Variants in AGBL1 observed in about 807,000 individuals in gnomAD.
The protein encoded by AGBL1 is cytosolic carboxypeptidase 4.
A neutral mutation model predicts 118.9 loss-of-function variants in AGBL1; 130 were observed. That is an observed-to-expected ratio of 1.09 (90% CI 0.95 to 1.26). The LOEUF is 1.26. AGBL1 is among the 50% of genes most tolerant of loss of function. AGBL1 has a pLI of 0.00. For missense variants in AGBL1, 1,584 were observed against 1,298.1 expected (o/e 1.22, Z -3.38); for synonymous variants, 555 against 478.9 (o/e 1.16, Z -2.08).
intron 21 of AGBL1, among the ~76,000 whole-genome samples, chr15:86,634,523 A>C (rs1402509356): frequency 1.3e-5 from 2 of 152,180 alleles, no homozygotes; most frequent in Non-Finnish European, 2.9e-5. Flanking sequence ...TATAGAGAGA[A>C]AGTGGATTAC....
rs115604167 is a variant in AGBL1, at chr15:86,715,411, G to A, written c.3158+40975G>A. Among the ~76,000 whole-genome samples the A allele has an allele frequency of 3.3e-3, 496 of 152,250 alleles. 1 individual carries two copies. The highest frequency in any genetic ancestry group is 0.01 in the South Asian group (50 of 4,824). On this transcript the variant is annotated intron_variant, in intron 22 of 22. Transcript: ENST00000614907. The stretch of plus-strand genomic sequence containing the variant: ...CAATCTATGGTCTTCTCGTAGAAGC[G>A]TTTATACCTGAGTATTTAATACCAA...
intron 18 of AGBL1, among the ~76,000 whole-genome samples, chr15:86,504,328 A>T (rs1166643653): frequency 6.6e-6 from 1 of 151,468 alleles, no homozygotes; most frequent in Non-Finnish European, 1.5e-5. Flanking sequence ...TCTTATAGCC[A>T]GCTTGTAGTT....
chr15:86,411,811 A>G (rs1235537339), intron 18 of AGBL1, among the ~76,000 whole-genome samples: 1 of 152,214 alleles, frequency 6.6e-6, no homozygotes, highest in Non-Finnish European at 1.5e-5. Flanking sequence ...ACAATAAATA[A>G]AAAATAACTG....
intron 22 of AGBL1, among the ~76,000 whole-genome samples, chr15:86,826,662 C>T (rs1172004644): frequency 6.6e-6 from 1 of 152,084 alleles, no homozygotes; most frequent in Non-Finnish European, 1.5e-5. Context: ...GTTAATGTTA[C>T]TGTTCTGGGG....
intron 22 of AGBL1, among the ~76,000 whole-genome samples, chr15:86,743,033 G>T (rs1322075626): frequency 6.6e-6 from 1 of 152,030 alleles, no homozygotes; most frequent in East Asian, 1.9e-4. Flanking sequence ...TGAAAGCAGG[G>T]CTCAATAATT....
At chr15:86,101,037 G>A (rs565281368) in intron 1 of AGBL1, among the ~76,000 whole-genome samples, 65 of 152,054 alleles carry the variant, frequency 4.3e-4, no homozygotes, top group Admixed American at 1.0e-3. Context: ...CTTTTGCTGT[G>A]TGCAATAGAT....
intron 4 of AGBL1, among the ~76,000 whole-genome samples, chr15:86,155,314 G>A (rs2077173310): frequency 6.6e-6 from 1 of 152,170 alleles, no homozygotes; most frequent in Admixed American, 6.5e-5. Flanking sequence ...GCTGGGCATG[G>A]TGGCATGTGC....
chr15:86,755,565 G>A (rs1030129159), intron 22 of AGBL1, among the ~76,000 whole-genome samples: 1 of 152,034 alleles, frequency 6.6e-6, no homozygotes, highest in Non-Finnish European at 1.5e-5. Flanking sequence ...TGACCTCAAA[G>A]TCCCCCTCTT....
chr15:86,730,697 G>C (rs375756784), intron 22 of AGBL1, among the ~76,000 whole-genome samples: 3 of 152,004 alleles, frequency 2.0e-5, no homozygotes. Flanking sequence ...ATTACAAACT[G>C]CTTGGAAAAA....
At chr15:86,804,864 C>T (rs531458731) in intron 22 of AGBL1, among the ~76,000 whole-genome samples, 2 of 152,184 alleles carry the variant, frequency 1.3e-5, no homozygotes, top group East Asian at 1.9e-4. Context: ...ACTCACTTTC[C>T]ACAAAGAAAA....
At chr15:86,569,354 A>G (rs1380678146) in intron 21 of AGBL1, among the ~76,000 whole-genome samples, 1 of 151,738 alleles carries the variant, frequency 6.6e-6, no homozygotes, top group Non-Finnish European at 1.5e-5. Flanking sequence ...AACTGAGATC[A>G]TGTCACTGCA....
downstream of AGBL1, among the ~76,000 whole-genome samples, chr15:87,031,149 G>A (rs1463400596): frequency 6.6e-6 from 1 of 151,900 alleles, no homozygotes; most frequent in African/African-American, 2.4e-5. Context: ...ATCTTTTCAT[G>A]TGTCAGCTTT....
intron 17 of AGBL1, among the ~76,000 whole-genome samples, chr15:86,336,101 G>A (rs4887432): frequency 0.46 from 70,186 of 152,022 alleles, 16,810 homozygotes; most frequent in Middle Eastern, 0.54. Flanking sequence ...TCCAGAATTC[G>A]AAGAAGCAGC....
chr15:86,575,783 G>T (rs998308074), intron 21 of AGBL1, among the ~76,000 whole-genome samples: 1 of 151,922 alleles, frequency 6.6e-6, no homozygotes, highest in Admixed American at 6.6e-5. Context: ...TTTCTATAGA[G>T]ACAGGGTCTT....
In AGBL1 at chr15:87,027,551, T is replaced by A. The variant is rs1411706721; in HGVS notation, c.3324-1274T>A. Among the ~76,000 whole-genome samples the A allele has an allele frequency of 4.6e-5, 7 of 151,796 alleles. No individual in the cohort carries two copies. In the East Asian group the frequency reaches 1.4e-3, roughly 30 times the overall value. On this transcript the variant is annotated intron_variant, in intron 24 of 24. Transcript: ENST00000441037. ...ATTATATAGATGTATATTTATTACA[T>A]AAATCATTCTATTATAAAGATACAT... is the stretch of plus-strand genomic sequence containing the variant.
At chr15:86,467,432 C>A (rs1342236804) in intron 18 of AGBL1, among the ~76,000 whole-genome samples, 1 of 152,226 alleles carries the variant, frequency 6.6e-6, no homozygotes. Context: ...TTCTCCTGAG[C>A]AAGACCATTT....
chr15:86,473,618 A>G (rs994744695), intron 18 of AGBL1, among the ~76,000 whole-genome samples: 4 of 152,182 alleles, frequency 2.6e-5, no homozygotes, highest in African/African-American at 9.7e-5. Context: ...CTTCATATCA[A>G]AACTATTCTG....
rs555913637 is a variant in AGBL1 at position 86,361,468 on chromosome 15, C to A, written c.2375-35898C>A. 1.1e-4 allele frequency among the ~76,000 whole-genome samples: 16 copies of A among 152,122 alleles called. No homozygotes were observed. In the South Asian group the frequency reaches 2.9e-3, roughly 28 times the overall value. On this transcript the variant is annotated intron_variant, in intron 17 of 22. Coordinates refer to ENST00000614907, the MANE Select transcript of AGBL1 (RefSeq NM_001386094.1). The stretch of plus-strand genomic sequence containing the variant: ...TATATTTCTGTTAGGTTCATTCAGT[C>A]CGTAGAGCTGTTCAGTTCTGCTTTT...
chr15:86,212,588 GC>G (rs2078117041), intron 5 of AGBL1, among the ~76,000 whole-genome samples: 1 of 152,202 alleles, frequency 6.6e-6, no homozygotes, highest in Admixed American at 6.5e-5. Context: ...AGAGATTATA[GC>G]CCATGTTGAA....
Sources: gnomAD v4.1 joint callset for allele counts (sites outside exome capture counted in the v4.1 genomes callset) on GRCh38, gnomAD v4.1.1 for gene constraint, MANE v1.5 for transcripts, NCBI Gene and HGNC (gene_info 2026-07-23, HGNC 2026-07-21) for gene names.